The following TNRC6B variants were observed in gnomAD, a reference collection of about 807,000 sequenced individuals.
TNRC6B encodes the protein trinucleotide repeat-containing gene 6B protein.
A neutral mutation model predicts 203.6 loss-of-function variants in TNRC6B; 52 were observed. That is an observed-to-expected ratio of 0.26 (90% CI 0.20 to 0.32). TNRC6B has a LOEUF of 0.32. Ranked by LOEUF, TNRC6B falls within the 10% of genes least tolerant of loss-of-function variation. The pLI is 1.00. For synonymous variants in TNRC6B, 838 were observed against 845.7 expected (o/e 0.99, Z 0.16); for missense variants, 1,923 against 2,286.2 (o/e 0.84, Z 3.24).
At chr22:40,250,288 T>C (rs533182365) in intron 2 of TNRC6B, among the ~76,000 whole-genome samples, 22 of 152,316 alleles carry the variant, frequency 1.4e-4, no homozygotes, top group African/African-American at 3.8e-4. Context: ...TTTATTGTTA[T>C]AAATTAGATG....
chr22:40,053,813 A>G (rs1171648213), intron 1 of TNRC6B, among the ~76,000 whole-genome samples: 1 of 152,220 alleles, frequency 6.6e-6, no homozygotes, highest in Non-Finnish European at 1.5e-5. Flanking sequence ...AATTGTTGAA[A>G]CTGTAGTGAG....
intron 21 of TNRC6B, among the ~76,000 whole-genome samples, chr22:40,319,659 C>T (rs1229861182): frequency 6.6e-6 from 1 of 152,018 alleles, no homozygotes; most frequent in African/African-American, 2.4e-5. Flanking sequence ...CTCCTGACCT[C>T]GTGATCTGCC....
intron 1 of TNRC6B, among the ~76,000 whole-genome samples, chr22:40,086,856 T>A (rs561877916): frequency 5.8e-4 from 88 of 152,230 alleles, no homozygotes; most frequent in Non-Finnish European, 9.8e-4. Context: ...TCATGTCCAG[T>A]GAAGAGAGAT....
intron 1 of TNRC6B, among the ~76,000 whole-genome samples, chr22:40,065,207 G>A (rs2067885679): frequency 6.6e-6 from 1 of 152,074 alleles, no homozygotes; most frequent in Non-Finnish European, 1.5e-5. Context: ...CTAGGCTGGA[G>A]TGGATCTTAG....
chr22:40,159,161 C>T (rs2146355981), intron 4 of TNRC6B, among the ~76,000 whole-genome samples: 2 of 151,562 alleles, frequency 1.3e-5, no homozygotes, highest in East Asian at 3.9e-4. Flanking sequence ...GATGGGGTTT[C>T]ACCGTGTTAG....
intron 3 of TNRC6B, among the ~76,000 whole-genome samples, chr22:40,132,381 AGACGGGACGG>A (rs927787019): frequency 2.0e-5 from 3 of 150,468 alleles, no homozygotes; most frequent in Non-Finnish European, 4.4e-5. Flanking sequence ...AGACGAGACG[AGACGGGACGG>A]GACGGGACGG....
chr22:40,311,868 G>A (rs951527591), intron 17 of TNRC6B, among the ~76,000 whole-genome samples: 3 of 152,292 alleles, frequency 2.0e-5, no homozygotes, highest in East Asian at 1.9e-4. Context: ...AATGCAGATC[G>A]TTCATATATA....
chr22:40,220,547 C>T (rs1010666547), intron 1 of TNRC6B, among the ~76,000 whole-genome samples: 1 of 152,120 alleles, frequency 6.6e-6, no homozygotes, highest in African/African-American at 2.4e-5. Flanking sequence ...AGTATGTGTA[C>T]ACTCTATTGT....
At chr22:40,092,168 C>T (rs1205904850) in intron 1 of TNRC6B, among the ~76,000 whole-genome samples, 4 of 152,176 alleles carry the variant, frequency 2.6e-5, no homozygotes, top group Non-Finnish European at 5.9e-5. Flanking sequence ...TTTGGGAGGC[C>T]GAGGCAGCTG....
At chr22:40,136,312 T>C (rs1332274907) in intron 3 of TNRC6B, among the ~76,000 whole-genome samples, 3 of 152,082 alleles carry the variant, frequency 2.0e-5, no homozygotes, top group Admixed American at 6.6e-5. Flanking sequence ...AAATTTGTTA[T>C]AGAGCTGAGC....
At chr22:40,179,367 G>GA (rs1486040878) in intron 1 of TNRC6B, among the ~76,000 whole-genome samples, 1 of 151,922 alleles carries the variant, frequency 6.6e-6, no homozygotes, top group East Asian at 1.9e-4. Context: ...CCACCCCCCT[G>GA]AGCACATCCC....
chr22:40,171,184 C>CA (rs1368265896), intron 4 of TNRC6B, among the ~76,000 whole-genome samples: 1 of 112,000 alleles, frequency 8.9e-6, no homozygotes, highest in Non-Finnish European at 1.7e-5. Context: ...TTTTTTGAGA[C>CA]AGAGTCTCGC....
At chr22:40,163,628 GCGCA>G in intron 4 of TNRC6B, among the ~76,000 whole-genome samples, 1 of 151,666 alleles carries the variant, frequency 6.6e-6, no homozygotes. Context: ...AGGTGTGGTG[GCGCA>G]TGCCTGTAAT....
In TNRC6B at chr22:40,330,814, A is replaced by G. The variant is rs187714041; in HGVS notation, c.*7573A>G. 3 of 152,752 alleles carry G rather than the reference A, an allele frequency of 2.0e-5. No homozygotes were observed. Among genetic ancestry groups the G allele is most frequent in the Admixed American group, 1.3e-4 (2 of 15,300 alleles). 9.5% of individuals were successfully genotyped at this position (152,752 alleles called of 1,614,324 possible). ...TCAGCTTTAGTCATTAGGGAAGTCA[A>G]AGTTCCTCCTGGAAGTCCCAGGAGC... On this transcript the variant is annotated 3_prime_UTR_variant, in exon 23 of 23. Transcript: ENST00000454349.
intron 1 of TNRC6B, among the ~76,000 whole-genome samples, chr22:40,077,032 G>T (rs1376150841): frequency 7.9e-6 from 1 of 126,348 alleles, no homozygotes; most frequent in Admixed American, 8.9e-5. Flanking sequence ...GAGAAAAAAA[G>T]AAAAAAGAAA....
intron 1 of TNRC6B, among the ~76,000 whole-genome samples, chr22:40,180,825 A>G (rs2069120806): frequency 1.3e-5 from 2 of 152,200 alleles, no homozygotes; most frequent in Non-Finnish European, 2.9e-5. Flanking sequence ...ACTTTTTAAA[A>G]ATGAGATGGC....
intron 1 of TNRC6B, among the ~76,000 whole-genome samples, chr22:40,068,382 A>G (rs1429835554): frequency 6.6e-6 from 1 of 151,982 alleles, no homozygotes; most frequent in Non-Finnish European, 1.5e-5. Flanking sequence ...CAGTGGCGCA[A>G]TCTCGGGTCA....
chr22:40,263,914 A>G (rs749219825), intron 4 of TNRC6B, among the ~76,000 whole-genome samples: 1 of 152,240 alleles, frequency 6.6e-6, no homozygotes, highest in Non-Finnish European at 1.5e-5. Context: ...CTCTGCCTAA[A>G]AGACGCTAAC....
intron 1 of TNRC6B, among the ~76,000 whole-genome samples, chr22:40,189,950 G>T (rs1011371129): frequency 1.3e-5 from 2 of 152,138 alleles, no homozygotes; most frequent in Admixed American, 1.3e-4. Context: ...CAGAATAAGA[G>T]CCGTCTCATT....
Sources: gnomAD v4.1 joint callset for allele counts (sites outside exome capture counted in the v4.1 genomes callset) on GRCh38, gnomAD v4.1.1 for gene constraint, MANE v1.5 for transcripts, NCBI Gene and HGNC (gene_info 2026-07-23, HGNC 2026-07-21) for gene names.